Variants in CA14 observed in about 807,000 individuals in gnomAD.
The protein encoded by CA14 is CA-XIV.
CA14 carries 44 observed loss-of-function variants against 48.8 expected under a neutral mutation model. The ratio of observed to expected loss-of-function variants is 0.90; its 90% CI spans 0.71 to 1.16. CA14 has a LOEUF of 1.16. Among genes scored for constraint, CA14 ranks in the 50% most tolerant of loss-of-function variants. The probability of loss-of-function intolerance (pLI) is 0.00; values close to 1 mark genes in which losing one functional copy is unlikely to be tolerated. For missense variants in CA14, 386 were observed against 401.0 expected, an observed-to-expected ratio of 0.96 and a Z score of 0.32; for synonymous variants, 154 against 155.0, an observed-to-expected ratio of 0.99 and a Z score of 0.05.
chr1:150,262,011 A>G, intron 3 of CA14, 147 bp from the exon 4 acceptor site: 1 of 831,932 alleles, frequency 1.2e-6, no homozygotes, highest in Non-Finnish European at 1.9e-6. Context: ...AAGATATGCT[A>G]GAAAAGCACT....
Position 150,265,048 on chromosome 1 carries a change from T to C in CA14, c.*389T>C, listed in dbSNP as rs1553849235. ...GTTGAAGTTGTATATTTTTGATCAA[T>C]ATATTTGGAAATTAAAGTTTCTGAC... On this transcript the variant is annotated 3_prime_UTR_variant, in exon 11 of 11. Transcript: ENST00000369111. 6.4e-6 allele frequency: 1 copy of C among 155,544 alleles called. No homozygotes were observed. The highest frequency in any genetic ancestry group is 1.4e-5 in the Non-Finnish European group (1 of 70,286). 9.6% of individuals were successfully genotyped at this position (155,544 alleles called of 1,614,324 possible).
chr1:150,261,227 G>A, intron 2 of CA14: 1 of 548,922 alleles, frequency 1.8e-6, no homozygotes, highest in Non-Finnish European at 3.2e-6. Context: ...GGATAGTTGG[G>A]GAATCATCAC....
Position 150,263,340 on chromosome 1 carries a change from G to A in CA14, c.762G>A (p.Glu254=). 6.2e-7 allele frequency: 1 copy of A among 1,614,202 alleles called. No individual in the cohort carries two copies. The highest frequency in any genetic ancestry group is 1.1e-5 in the South Asian group (1 of 91,088). The part of the protein sequence containing the change: ...LQGTLFSTEE[E]PSKLLVQNYR... ...GGACATTGTTCTCCACAGAAGAGGA[G>A]CCCTCTAAGCTTCTGGTACAGAACT... Residue 254 remains glutamate (E), a synonymous_variant, in exon 8 of 11, where the codon GAG becomes GAA. Coordinates refer to ENST00000369111, the MANE Select transcript of CA14 (RefSeq NM_012113.3).
At position 150,263,893 on chromosome 1, in the gene CA14, T is replaced by A. The variant is rs1344526617; in HGVS notation, c.947+15T>A. ...AGAAAGATTCGGTGAGGCCCTACTT[T>A]CCATTCCTCCAGTCCCTTCTTCTTT... On this transcript the variant is annotated intron_variant, in intron 10 of 10. Transcript: ENST00000369111. The A allele has an allele frequency of 1.9e-6, 3 of 1,545,134 alleles. No homozygotes were observed. In the East Asian group the frequency reaches 6.8e-5, roughly 35 times the overall value.
chr1:150,258,045 T>A lies in CA14; in HGVS notation c.-84T>A. The A allele has an allele frequency of 4.1e-6, 4 of 976,630 alleles. No individual in the cohort carries two copies. The highest frequency in any genetic ancestry group is 1.7e-5 in the South Asian group (1 of 57,878). 60.5% of individuals were successfully genotyped at this position (976,630 alleles called of 1,614,324 possible). A position where few individuals can be genotyped will look rare whatever the true frequency, so the allele number is the denominator to read the frequency against. On this transcript the variant is annotated 5_prime_UTR_variant, in exon 1 of 11. Coordinates refer to ENST00000369111, the MANE Select transcript of CA14 (RefSeq NM_012113.3). ...CTCGCTCGCTCTCTCTCTCTCTCTC[T>A]CACTCCTCCCTCCCTCTCTCTCTGC...
At chr1:150,262,448 G>A in intron 4 of CA14, 77 bp from the exon 5 acceptor site, 1 of 1,477,394 alleles carries the variant, frequency 6.8e-7, no homozygotes, top group Non-Finnish European at 9.5e-7. Context: ...GACAGCGGGG[G>A]GATGGTGGCA....
chr1:150,263,571 G>A, intron 8 of CA14, 88 bp from the exon 9 acceptor site: 1 of 1,611,882 alleles, frequency 6.2e-7, no homozygotes, highest in East Asian at 2.2e-5. Flanking sequence ...TGCCCCCGGG[G>A]GATTCTCCCA....
intron 7 of CA14, 39 bp from the exon 8 acceptor site, chr1:150,263,260 T>C: frequency 6.2e-7 from 1 of 1,613,420 alleles, no homozygotes; most frequent in East Asian, 2.2e-5. Flanking sequence ...CCCTTCCCAC[T>C]CCCCAAAGTA....
intron 5 of CA14, 65 bp from the exon 6 acceptor site, chr1:150,262,739 G>A: frequency 7.1e-7 from 1 of 1,407,868 alleles, no homozygotes; most frequent in Non-Finnish European, 1.0e-6. Flanking sequence ...CATTTATTCT[G>A]TACATAAATT....
intron 1 of CA14, among the ~76,000 whole-genome samples, chr1:150,259,588 A>G (rs1650820956): frequency 6.6e-6 from 1 of 152,072 alleles, no homozygotes; most frequent in South Asian, 2.1e-4. Context: ...TTTCCTCTAG[A>G]GCTAATGGGA....
In CA14 at chr1:150,264,885, GTGT is replaced by G. The variant is rs1157318552; in HGVS notation, c.*231_*233del. On this transcript the variant is annotated 3_prime_UTR_variant, in exon 11 of 11. Coordinates refer to ENST00000369111, the MANE Select transcript of CA14 (RefSeq NM_012113.3). ...TGTAGGAGGAAATGAGGAAATCGCT[GTGT>G]TGTTAATGCAGAGAACAAACTCTGT... The G allele has an allele frequency of 9.4e-6, 4 of 424,846 alleles. No individual in the cohort carries two copies. Among genetic ancestry groups the G allele is most frequent in the Non-Finnish European group, 1.7e-5 (4 of 234,956 alleles). 26.3% of individuals were successfully genotyped at this position (424,846 alleles called of 1,614,324 possible). A position where few individuals can be genotyped will look rare whatever the true frequency, so the allele number is the denominator to read the frequency against.
At chr1:150,260,457 G>C (rs1441979399) in intron 2 of CA14, 2 of 518,404 alleles carry the variant, frequency 3.9e-6, no homozygotes, top group Admixed American at 3.0e-5. Flanking sequence ...GGAACTCTGA[G>C]CTTAGCTGCC....
chr1:150,260,083 G>C, intron 1 of CA14, 68 bp from the exon 2 acceptor site: 1 of 1,492,446 alleles, frequency 6.7e-7, no homozygotes, highest in African/African-American at 1.4e-5. Context: ...CCAGAGGGAG[G>C]GGAGTGTGGA....
chr1:150,261,325 G>A, intron 2 of CA14, 134 bp from the exon 3 acceptor site: 1 of 736,276 alleles, frequency 1.4e-6, no homozygotes. Context: ...GTCTTAACCT[G>A]GGTGGAGGGA....
At chr1:150,258,310 G>A (rs1650720411) in intron 1 of CA14, 127 bp downstream of exon 1, 5 of 639,708 alleles carry the variant, frequency 7.8e-6, no homozygotes, top group Admixed American at 2.9e-5. Context: ...CAGAGATGAG[G>A]AAAAAAGAGT....
intron 2 of CA14, chr1:150,261,197 C>T: frequency 2.0e-6 from 1 of 492,178 alleles, no homozygotes; most frequent in Non-Finnish European, 3.6e-6. Flanking sequence ...AGTAAAAGAG[C>T]TACCACTCCC....
At chr1:150,264,558 TAGC>T (rs1451442253) in intron 10 of CA14, 32 bp from the exon 11 acceptor site, 1 of 1,180,818 alleles carries the variant, frequency 8.5e-7, no homozygotes, top group Non-Finnish European at 1.3e-6. Flanking sequence ...TTCACTTAGA[TAGC>T]AGTCATTCTC....
intron 1 of CA14, 37 bp from the exon 2 acceptor site, chr1:150,260,114 C>T: frequency 6.2e-7 from 1 of 1,611,620 alleles, no homozygotes; most frequent in Non-Finnish European, 8.5e-7. Flanking sequence ...CTGCCCCAGG[C>T]TGCGCTGGCT....
At position 150,262,552 on chromosome 1, in the gene CA14, T is replaced by TCC; in HGVS notation, c.428_429dup (p.Tyr144ProfsTer5). On this transcript the variant is annotated frameshift_variant, in exon 5 of 11. Coordinates refer to ENST00000369111, the MANE Select transcript of CA14 (RefSeq NM_012113.3). LOFTEE classifies it high-confidence loss of function. ...CCACATTGTACATTATGACTCTGAT[T>TCC]CCTATGACAGCTTGAGTGAGGCTGC... The TCC allele has an allele frequency of 6.2e-7, 1 of 1,613,990 alleles. No homozygotes were observed. Among genetic ancestry groups the TCC allele is most frequent in the South Asian group, 1.1e-5 (1 of 91,068 alleles).
Sources: allele counts gnomAD v4.1 joint callset (sites outside exome capture counted in the v4.1 genomes callset), GRCh38; gene constraint gnomAD v4.1.1; transcripts MANE v1.5; gene names NCBI Gene and HGNC (gene_info 2026-07-23, HGNC 2026-07-21).